The following HSPA12B variants were observed in gnomAD, a reference collection of about 807,000 sequenced individuals.
The protein encoded by HSPA12B is heat shock 70 kDa protein 12B.
Under a neutral mutation model 69.3 loss-of-function variants are expected in HSPA12B, and 54 were observed. The ratio of observed to expected loss-of-function variants is 0.78; its 90% CI spans 0.63 to 0.98. The LOEUF is 0.98. HSPA12B is among the 50% of genes least tolerant of loss of function. The probability of loss-of-function intolerance (pLI) is 0.00; values close to 1 mark genes in which losing one functional copy is unlikely to be tolerated. For synonymous variants in HSPA12B, 441 were observed against 436.5 expected, an observed-to-expected ratio of 1.01 and a Z score of -0.13; for missense variants, 929 against 999.8, an observed-to-expected ratio of 0.93 and a Z score of 0.96.
chr20:3,744,814 A>C lies in HSPA12B; in HGVS notation c.267-88A>C. ...TAGCTAGTTCTCCCTGCTCTTTCACATCTGTAAGTTTTTGCACATGCTGTT... is the reference window on the plus strand; with the variant it reads ...TAGCTAGTTCTCCCTGCTCTTTCACCTCTGTAAGTTTTTGCACATGCTGTT... On this transcript the variant is annotated intron_variant, in intron 4 of 12. Coordinates refer to ENST00000254963, the MANE Select transcript of HSPA12B (RefSeq NM_052970.5). This position sits in a 1 kb window ranked among gnomAD's most constrained non-coding sequence, Gnocchi z 4.9. 1.6e-6 allele frequency: 2 copies of C among 1,278,308 alleles called. No homozygotes were observed. The highest frequency in any genetic ancestry group is 2.6e-5 in the South Asian group (2 of 75,936). The allele number at this position is 1,278,308 out of a possible 1,614,324, so 79.2% of individuals were successfully genotyped here. A position where few individuals can be genotyped will look rare whatever the true frequency, so the allele number is the denominator to read the frequency against.
chr20:3,751,946 A>G lies in HSPA12B; in HGVS notation c.1841A>G (p.Glu614Gly), dbSNP rs2088432650. 6.3e-7 allele frequency: 1 copy of G among 1,585,806 alleles called. No individual in the cohort carries two copies. Among genetic ancestry groups the G allele is most frequent in the Non-Finnish European group, 8.5e-7 (1 of 1,171,056 alleles). ...ATCAACCTGTACTGCTGCGCGGCAG[A>G]GGATGCGCGCTTCATCACCGACCCC... is the stretch of plus-strand genomic sequence containing the variant. ...VLINLYCCAA[E>G]DARFITDPGV... Residue 614 changes from glutamate to glycine, a missense_variant, in exon 13 of 13, where the codon GAG (glutamate) becomes GGG (glycine). Around this residue, in one of 3 missense-constraint regions of HSPA12B, gnomAD observed 448 missense variants for 448.1 expected, o/e 1.00. Coordinates refer to ENST00000254963, the MANE Select transcript of HSPA12B (RefSeq NM_052970.5).
chr20:3,748,276 C>G lies in HSPA12B; in HGVS notation c.735C>G (p.Ala245=), dbSNP rs745928708. 1 of 1,606,008 alleles carries G rather than the reference C, an allele frequency of 6.2e-7. No homozygotes were observed. Among genetic ancestry groups the G allele is most frequent in the South Asian group, 1.1e-5 (1 of 89,944 alleles). ...EQLLIALEPE[A]ASVYCRKLRL... is the part of the protein sequence containing the mutation. ...TACTCATCGCCCTGGAGCCCGAGGC[C>G]GCCTCGGTATACTGCCGCAAGCTGC... is the stretch of plus-strand genomic sequence containing the variant. The change falls in exon 8 of 13, where the codon GCC becomes GCG. Residue 245 remains alanine (A), a synonymous_variant. Coordinates refer to ENST00000254963, the MANE Select transcript of HSPA12B (RefSeq NM_052970.5).
At position 3,738,714 on chromosome 20, in the gene HSPA12B, A is replaced by G. The variant is rs765407716; in HGVS notation, c.40A>G (p.Ile14Val). ...GGAGATGGGCCTGCAGGGGCTGTAC[A>G]TCGGTAAGAACCCCCACCATTCTGC... is the stretch of plus-strand genomic sequence containing the variant. Reference protein sequence around the residue: ...VPEMGLQGLYIGSSPERSPVP... With the variant: ...VPEMGLQGLYVGSSPERSPVP... The change falls in exon 2 of 13, where the codon ATC becomes GTC. Residue 14 changes from isoleucine to valine, a missense_variant. Physicochemically the swap from Ile to Val is conservative, Grantham distance 29. Around this residue, in one of 3 missense-constraint regions of HSPA12B, gnomAD observed 477 missense variants for 535.2 expected, o/e 0.89. Transcript: ENST00000254963. The G allele has an allele frequency of 1.2e-6, 2 of 1,614,198 alleles. No individual in the cohort carries two copies. The highest frequency in any genetic ancestry group is 8.5e-7 in the Non-Finnish European group (1 of 1,180,040).
In HSPA12B at chr20:3,744,871, G is replaced by C. The variant is rs371487590; in HGVS notation, c.267-31G>C. 1.3e-5 allele frequency: 21 copies of C among 1,604,174 alleles called. No individual in the cohort carries two copies. The highest frequency in any genetic ancestry group is 1.5e-5 in the Non-Finnish European group (18 of 1,176,310). On this transcript the variant is annotated intron_variant, in intron 4 of 12. Transcript: ENST00000254963. The surrounding 1 kb of genome is among the most constrained non-coding windows in gnomAD (Gnocchi z 4.9). ...GCCTGGATTCCCACCCAAGAAGGGA[G>C]GGTTGCACTGACTGCCCTGTGCCTC...
chr20:3,742,087 G>A (rs534828828), intron 3 of HSPA12B, among the ~76,000 whole-genome samples, 197 bp from the exon 4 acceptor site: 2 of 152,158 alleles, frequency 1.3e-5, no homozygotes, highest in East Asian at 1.9e-4. Context: ...TGAGAGACAC[G>A]TCCAAGGCTC....
At position 3,740,159 on chromosome 20, in the gene HSPA12B, T is replaced by TGTGTGTATGTGTGTGGGG. The variant is rs546454025; in HGVS notation, c.44-655_44-654insTGTGTATGTGTGTGGGGG. Among the ~76,000 whole-genome samples, 1 of 151,426 alleles carries TGTGTGTATGTGTGTGGGG rather than the reference T, an allele frequency of 6.6e-6. No homozygotes were observed. Among genetic ancestry groups the TGTGTGTATGTGTGTGGGG allele is most frequent in the African/African-American group, 2.4e-5 (1 of 40,896 alleles). On this transcript the variant is annotated intron_variant, in intron 2 of 12. Transcript: ENST00000254963. This position sits in a 1 kb window ranked among gnomAD's most constrained non-coding sequence, Gnocchi z 4.9. Reference sequence around the variant, plus strand: ...CTCAGGGTGTGTGTATGTGTGTGTGTGGGGGGTGGGAATCAGACTTCCTAA... The same window carrying TGTGTGTATGTGTGTGGGG: ...CTCAGGGTGTGTGTATGTGTGTGTGTGTGTGTATGTGTGTGGGGGGGGGGTGGGAATCAGACTTCCTAA...
intron 11 of HSPA12B, 119 bp downstream of exon 11, chr20:3,750,346 T>A: frequency 1.8e-6 from 2 of 1,083,658 alleles, no homozygotes; most frequent in Non-Finnish European, 2.6e-6. Context: ...ACATATACAC[T>A]AAGCCAGCAG....
rs2088371918 is a variant in HSPA12B at position 3,749,619 on chromosome 20, C to T, written c.938-131C>T. The stretch of plus-strand genomic sequence containing the variant: ...AGGTTCAAGCACCTGAAGCCCCTCA[C>T]GTCCCTCCCCCGACCCTGCAGACAG... On this transcript the variant is annotated intron_variant, in intron 9 of 12. Coordinates refer to ENST00000254963, the MANE Select transcript of HSPA12B (RefSeq NM_052970.5). The surrounding 1 kb of genome is among the most constrained non-coding windows in gnomAD (Gnocchi z 5.5). 3.0e-6 allele frequency: 2 copies of T among 677,816 alleles called. No homozygotes were observed. Among genetic ancestry groups the T allele is most frequent in the South Asian group, 1.9e-5 (1 of 52,490 alleles). 42.0% of individuals were successfully genotyped at this position (677,816 alleles called of 1,614,324 possible). A position where few individuals can be genotyped will look rare whatever the true frequency, so the allele number is the denominator to read the frequency against.
In HSPA12B at chr20:3,740,832, TC is replaced by T; in HGVS notation, c.65del (p.Pro22GlnfsTer66). 6.2e-7 allele frequency: 1 copy of T among 1,613,696 alleles called. No homozygotes were observed. On this transcript the variant is annotated frameshift_variant, in exon 3 of 13. Transcript: ENST00000254963. LOFTEE classifies it high-confidence loss of function. The surrounding 1 kb of genome is among the most constrained non-coding windows in gnomAD (Gnocchi z 4.9). The stretch of plus-strand genomic sequence containing the variant: ...CTCTGCAGGCTCCAGCCCGGAGCGG[TC>T]CCCAGTGCCTAGCCCACCCGGCTCC... ...GLYIGSSPERSPVPSPPGSPR... is the reference protein window; with the variant it reads ...GLYIGSSPERXPVPSPPGSPR...
intron 2 of HSPA12B, among the ~76,000 whole-genome samples, chr20:3,739,181 A>ACGCATGCAGAGAGTTC (rs2088156437): frequency 6.6e-6 from 1 of 151,402 alleles, no homozygotes; most frequent in Non-Finnish European, 1.5e-5. Context: ...GCAGGTGGGC[A>ACGCATGCAGAGAGTTC]TGCATACAGA....
Position 3,745,428 on chromosome 20 carries a change from C to A in HSPA12B, c.454-65C>A. 1.7e-6 allele frequency: 2 copies of A among 1,146,540 alleles called. No individual in the cohort carries two copies. The allele number at this position is 1,146,540 out of a possible 1,614,324, so 71.0% of individuals were successfully genotyped here. On this transcript the variant is annotated intron_variant, in intron 5 of 12. Transcript: ENST00000254963. This position sits in a 1 kb window ranked among gnomAD's most constrained non-coding sequence, Gnocchi z 5.6. Reference sequence around the variant, plus strand: ...CCAGGAAACGGGGTGATTTTAAGAGCGAGGTCGTCAGGAAATGAGTGCCAA... The same window carrying A: ...CCAGGAAACGGGGTGATTTTAAGAGAGAGGTCGTCAGGAAATGAGTGCCAA...
chr20:3,751,796 G>C lies in HSPA12B; in HGVS notation c.1691G>C (p.Arg564Pro). The C allele has an allele frequency of 6.5e-7, 1 of 1,528,332 alleles. No homozygotes were observed. 94.7% of individuals were successfully genotyped at this position (1,528,332 alleles called of 1,614,324 possible). ...GRHPPEKLLV[R>P]DGRRWCTDVF... ...CACCCGCCCGAAAAGCTGCTGGTTCGCGACGGCCGCCGCTGGTGCACCGAC... is the reference window on the plus strand; with the variant it reads ...CACCCGCCCGAAAAGCTGCTGGTTCCCGACGGCCGCCGCTGGTGCACCGAC... The change falls in exon 13 of 13, where the codon CGC becomes CCC. Residue 564 changes from arginine to proline, a missense_variant. This residue lies in a region of HSPA12B where 448 missense variants were observed against 448.1 expected (regional missense o/e 1.00). Coordinates refer to ENST00000254963, the MANE Select transcript of HSPA12B (RefSeq NM_052970.5).
chr20:3,744,982 A>G lies in HSPA12B; in HGVS notation c.347A>G (p.His116Arg). 6.2e-7 allele frequency: 1 copy of G among 1,614,018 alleles called. No homozygotes were observed. Reference sequence around the variant, plus strand: ...CTGCTGACTCCGGAGGGCGCCTTCCACAGCTTTGGCTACACCGCCCGCGAT... The same window carrying G: ...CTGCTGACTCCGGAGGGCGCCTTCCGCAGCTTTGGCTACACCGCCCGCGAT... ...CLLLTPEGAF[H>R]SFGYTARDYY... Residue 116 changes from histidine (H) to arginine (R), a missense_variant, in exon 5 of 13, where the codon CAC becomes CGC. Physicochemically the swap from His to Arg is conservative, Grantham distance 29 (BLOSUM62 0). This residue lies in a region of HSPA12B where 477 missense variants were observed against 535.2 expected (regional missense o/e 0.89). Coordinates refer to ENST00000254963, the MANE Select transcript of HSPA12B (RefSeq NM_052970.5). This position sits in a 1 kb window ranked among gnomAD's most constrained non-coding sequence, Gnocchi z 4.9.
At chr20:3,736,848 C>G (rs910551009) in intron 1 of HSPA12B, among the ~76,000 whole-genome samples, 1 of 152,106 alleles carries the variant, frequency 6.6e-6, no homozygotes, top group Non-Finnish European at 1.5e-5. Context: ...TATGGTGAAA[C>G]CCCGACTCTA....
In HSPA12B at chr20:3,737,425, C is replaced by G. The variant is rs558739030; in HGVS notation, c.-17-1233C>G. 1.3e-5 allele frequency among the ~76,000 whole-genome samples: 2 copies of G among 152,326 alleles called. No individual in the cohort carries two copies. Among genetic ancestry groups the G allele is most frequent in the African/African-American group, 4.8e-5 (2 of 41,558 alleles). ...AGCTCAATATGATTGCGTCACTACA[C>G]TCCAGCCTGGGCAACAGAGTGAAAC... is the stretch of plus-strand genomic sequence containing the variant. On this transcript the variant is annotated intron_variant, in intron 1 of 12. Coordinates refer to ENST00000254963, the MANE Select transcript of HSPA12B (RefSeq NM_052970.5). This position sits in a 1 kb window ranked among gnomAD's most constrained non-coding sequence, Gnocchi z 4.1.
intron 2 of HSPA12B, among the ~76,000 whole-genome samples, chr20:3,739,959 TGTG>T (rs2088170865): frequency 6.6e-6 from 1 of 152,088 alleles, no homozygotes; most frequent in Admixed American, 6.5e-5. Flanking sequence ...CAATGCCCAG[TGTG>T]GTGGTGGCAG....
chr20:3,742,287 C>A lies in HSPA12B; in HGVS notation c.145C>A (p.Pro49Thr). 1 of 1,613,614 alleles carries A rather than the reference C, an allele frequency of 6.2e-7. No individual in the cohort carries two copies. Among genetic ancestry groups the A allele is most frequent in the Non-Finnish European group, 8.5e-7 (1 of 1,179,620 alleles). The change falls in exon 4 of 13, where the codon CCC becomes ACC. Residue 49 changes from proline (P) to threonine (T), a missense_variant. Physicochemically the swap from Pro to Thr is conservative, Grantham distance 38. Transcript: ENST00000254963. ...APLTPSQSPKPEVRAPQQASF... is the reference protein window; with the variant it reads ...APLTPSQSPKTEVRAPQQASF... Reference sequence around the variant, plus strand: ...ATTCTAAGTCTTGCACTTGCAGAAACCCGAGGTCCGAGCCCCCCAGCAGGC... The same window carrying A: ...ATTCTAAGTCTTGCACTTGCAGAAAACCGAGGTCCGAGCCCCCCAGCAGGC...
rs11473544 is a variant in HSPA12B at position 3,746,301 on chromosome 20, C to CTTTTTT, written c.675+286_675+291dup. 5.8e-3 allele frequency among the ~76,000 whole-genome samples: 518 copies of CTTTTTT among 89,166 alleles called. 24 individuals are homozygous for CTTTTTT. Among genetic ancestry groups the CTTTTTT allele is most frequent in the Middle Eastern group, 0.01 (1 of 100 alleles). 58.5% of individuals were successfully genotyped at this position (89,166 alleles called of 152,430 possible). A position where few individuals can be genotyped will look rare whatever the true frequency, so the allele number is the denominator to read the frequency against. On this transcript the variant is annotated intron_variant, in intron 7 of 12. Coordinates refer to ENST00000254963, the MANE Select transcript of HSPA12B (RefSeq NM_052970.5). ...AAAAGCAGAGCCCAAGATGGAGAGT[C>CTTTTTT]TTTTTTTTTTTTTTTTTTTTTGAGA...
chr20:3,749,907 G>A lies in HSPA12B; in HGVS notation c.1042+53G>A. ...CCAGCGCGACCCGGGCTCCGGCCCC[G>A]CCACTGCCCCCTGGCGGCCCGGCGA... is the stretch of plus-strand genomic sequence containing the variant. On this transcript the variant is annotated intron_variant, in intron 10 of 12. Coordinates refer to ENST00000254963, the MANE Select transcript of HSPA12B (RefSeq NM_052970.5). This position sits in a 1 kb window ranked among gnomAD's most constrained non-coding sequence, Gnocchi z 5.5. 6.5e-7 allele frequency: 1 copy of A among 1,549,292 alleles called. No homozygotes were observed. The highest frequency in any genetic ancestry group is 1.2e-5 in the South Asian group (1 of 84,482).
Sources: gnomAD v4.1 joint callset for allele counts (sites outside exome capture counted in the v4.1 genomes callset) on GRCh38, gnomAD v4.1.1 for gene constraint, gnomAD v4.1.1 regional missense constraint, Gnocchi (gnomAD v3.1) non-coding constraint, MANE v1.5 for transcripts, NCBI Gene and HGNC (gene_info 2026-07-23, HGNC 2026-07-21) for gene names.